DOCK10: variants seen among roughly 807,000 people sequenced by gnomAD.
DOCK10 encodes dedicator of cytokinesis protein 10.
DOCK10 carries 145 observed loss-of-function variants against 280.1 expected under a neutral mutation model. That is an observed-to-expected ratio of 0.52 (90% CI 0.45 to 0.59). The LOEUF (loss-of-function observed/expected upper bound fraction) is 0.59. Among genes scored for constraint, DOCK10 ranks in the 20% least tolerant of loss-of-function variants. The pLI is 0.00. For missense variants in DOCK10, 2,368 were observed against 2,651.7 expected, an observed-to-expected ratio of 0.89 and a Z score of 2.35; for synonymous variants, 915 against 942.2, an observed-to-expected ratio of 0.97 and a Z score of 0.53.
chr2:224,868,616 A>G (rs1292207506), intron 11 of DOCK10, among the ~76,000 whole-genome samples: 2 of 152,174 alleles, frequency 1.3e-5, no homozygotes, highest in Admixed American at 6.5e-5. Flanking sequence ...TAATGTGACT[A>G]GTTTATACGG....
intron 1 of DOCK10, among the ~76,000 whole-genome samples, chr2:225,023,177 A>G: frequency 6.6e-6 from 1 of 151,960 alleles, no homozygotes. Flanking sequence ...CTGGAATTAC[A>G]GGCGCCCACC....
At chr2:225,006,970 G>A (rs564561785) in intron 1 of DOCK10, among the ~76,000 whole-genome samples, 5 of 152,332 alleles carry the variant, frequency 3.3e-5, no homozygotes, top group African/African-American at 7.2e-5. Flanking sequence ...CTCAGGATGT[G>A]TGAAGACAGG....
intron 47 of DOCK10, among the ~76,000 whole-genome samples, chr2:224,792,743 T>C (rs1034321729): frequency 2.0e-5 from 3 of 152,230 alleles, no homozygotes; most frequent in African/African-American, 4.8e-5. Flanking sequence ...AACTTGAATG[T>C]TGGAGAACAT....
chr2:224,865,293 G>A (rs896314009), intron 11 of DOCK10, among the ~76,000 whole-genome samples: 3 of 152,140 alleles, frequency 2.0e-5, no homozygotes, highest in Non-Finnish European at 4.4e-5. Flanking sequence ...TCCCTGCCAA[G>A]AACTCTCTTC....
intron 1 of DOCK10, among the ~76,000 whole-genome samples, chr2:224,957,294 C>CCCCCCCCTT (rs1559862823): frequency 7.0e-6 from 1 of 142,278 alleles, no homozygotes; most frequent in Non-Finnish European, 1.6e-5. Context: ...CGCCCCCCCC[C>CCCCCCCCTT]GGCTTTGTTT....
At chr2:224,815,097 G>GAC (rs1694040329) in intron 30 of DOCK10, among the ~76,000 whole-genome samples, 1 of 152,140 alleles carries the variant, frequency 6.6e-6, no homozygotes, top group African/African-American at 2.4e-5. Flanking sequence ...GAGGTGATTT[G>GAC]ATCATGGGGA....
At chr2:224,864,780 C>G in intron 12 of DOCK10, 86 bp downstream of exon 12, 2 of 1,583,384 alleles carry the variant, frequency 1.3e-6, no homozygotes, top group Non-Finnish European at 1.7e-6. Flanking sequence ...AATTTTTATT[C>G]AGGAAATTGC....
intron 30 of DOCK10, among the ~76,000 whole-genome samples, chr2:224,814,656 G>C (rs1440580132): frequency 2.0e-5 from 3 of 152,042 alleles, no homozygotes; most frequent in Admixed American, 6.6e-5. Flanking sequence ...CAAGTAGCTG[G>C]GATTACAGGT....
intron 1 of DOCK10, among the ~76,000 whole-genome samples, chr2:225,008,169 T>C (rs1689329633): frequency 6.6e-6 from 1 of 152,184 alleles, no homozygotes; most frequent in Non-Finnish European, 1.5e-5. Context: ...ATTCATAAAC[T>C]TTTTATTTCT....
intron 1 of DOCK10, among the ~76,000 whole-genome samples, chr2:224,995,119 T>C (rs553882768): frequency 1.1e-3 from 171 of 152,300 alleles, no homozygotes; most frequent in African/African-American, 3.6e-3. Flanking sequence ...CCTCATGACA[T>C]GGCAGCTGGC....
intron 48 of DOCK10, 51 bp from the exon 49 acceptor site, chr2:224,787,448 C>T: frequency 6.2e-7 from 1 of 1,601,070 alleles, no homozygotes; most frequent in Non-Finnish European, 8.5e-7. Flanking sequence ...GGTTGTGGCT[C>T]ATGCCTGAAA....
At chr2:224,983,647 T>A (rs1377865778) in intron 1 of DOCK10, 1 of 406,604 alleles carries the variant, frequency 2.5e-6, no homozygotes. Context: ...TCTAGCATGA[T>A]GCTCAAACAG....
In DOCK10 at chr2:224,770,212, T is replaced by G. The variant is rs1303943826; in HGVS notation, c.6443A>C (p.Gln2148Pro). 6.4e-7 allele frequency: 1 copy of G among 1,566,714 alleles called. No individual in the cohort carries two copies. Among genetic ancestry groups the G allele is most frequent in the Admixed American group, 1.9e-5 (1 of 52,166 alleles). ...LSELSTVMNE[Q>P]ITGRDDLSKR... is the part of the protein sequence containing the mutation. ...GCGTGTGCACCAAGGAGCGCTCACCTGCTCATTCATGACTGTGGAGAGTTC... is the reference window on the plus strand; with the variant it reads ...GCGTGTGCACCAAGGAGCGCTCACCGGCTCATTCATGACTGTGGAGAGTTC... The change falls in exon 55 of 56, where the codon CAG becomes CCG. Residue 2148 changes from glutamine (Q) to proline (P), a missense_variant and splice_region_variant. Physicochemically the swap from Gln to Pro is moderately conservative, Grantham distance 76 (BLOSUM62 -1). Around this residue, in one of 2 missense-constraint regions of DOCK10, gnomAD observed 1,159 missense variants for 1,400.8 expected, o/e 0.83. Transcript: ENST00000258390. The surrounding 1 kb of genome is among the most constrained non-coding windows in gnomAD (Gnocchi z 4.5).
At chr2:224,918,142 T>C (rs1255701374) in intron 2 of DOCK10, among the ~76,000 whole-genome samples, 2 of 152,226 alleles carry the variant, frequency 1.3e-5, no homozygotes, top group Non-Finnish European at 2.9e-5. Flanking sequence ...CTTCCAATCC[T>C]GGACTCTTAT....
intron 1 of DOCK10, among the ~76,000 whole-genome samples, chr2:225,033,592 T>C (rs1690141617): frequency 6.6e-6 from 1 of 152,172 alleles, no homozygotes; most frequent in South Asian, 2.1e-4. Context: ...ACTAATTCAG[T>C]CACATTCATT....
chr2:224,998,091 G>A (rs537020620), intron 1 of DOCK10, among the ~76,000 whole-genome samples: 1 of 152,242 alleles, frequency 6.6e-6, no homozygotes, highest in South Asian at 2.1e-4. Context: ...ACACATGCCC[G>A]TATTTCGATT....
intron 50 of DOCK10, among the ~76,000 whole-genome samples, chr2:224,779,700 A>G (rs966690071): frequency 5.3e-5 from 8 of 152,226 alleles, no homozygotes; most frequent in African/African-American, 1.9e-4. Context: ...AAGAATATTG[A>G]TTAAACTCAC....
intron 1 of DOCK10, among the ~76,000 whole-genome samples, chr2:224,998,304 T>G (rs1706328400): frequency 2.3e-5 from 1 of 43,598 alleles, no homozygotes; most frequent in Non-Finnish European, 4.2e-5. Context: ...GATTAGCAGC[T>G]GCATAAAAAT....
At chr2:224,957,249 C>T (rs1264213820) in intron 1 of DOCK10, among the ~76,000 whole-genome samples, 1 of 150,466 alleles carries the variant, frequency 6.6e-6, no homozygotes, top group East Asian at 1.9e-4. Context: ...TCTCCCCAAC[C>T]CTAGGTCTAA....
Sources: allele counts gnomAD v4.1 joint callset (sites outside exome capture counted in the v4.1 genomes callset), GRCh38; gene constraint gnomAD v4.1.1; regional missense constraint gnomAD v4.1.1; non-coding constraint Gnocchi (gnomAD v3.1); transcripts MANE v1.5; gene names NCBI Gene and HGNC (gene_info 2026-07-23, HGNC 2026-07-21).